The following DOCK10 variants were observed in gnomAD, a reference collection of about 807,000 sequenced individuals.
The protein encoded by DOCK10 is dedicator of cytokinesis 10.
DOCK10 carries 145 observed loss-of-function variants against 280.1 expected under a neutral mutation model. The observed-to-expected ratio is 0.52, with a 90% CI of 0.45 to 0.59. The LOEUF is 0.59. Ranked by LOEUF, DOCK10 falls within the 20% of genes least tolerant of loss-of-function variation. The pLI is 0.00. For missense variants in DOCK10, 2,368 were observed against 2,651.7 expected (o/e 0.89, Z 2.35); for synonymous variants, 915 against 942.2 (o/e 0.97, Z 0.53).
chr2:225,024,718 C>T lies in DOCK10; in HGVS notation c.123+17534G>A, dbSNP rs558564951. Among the ~76,000 whole-genome samples the T allele has an allele frequency of 2.1e-4, 26 of 121,666 alleles. No homozygotes were observed. In the East Asian group the frequency reaches 4.7e-3, roughly 22 times the overall value. 79.8% of individuals were successfully genotyped at this position (121,666 alleles called of 152,430 possible). A position where few individuals can be genotyped will look rare whatever the true frequency, so the allele number is the denominator to read the frequency against. Reference sequence around the variant, plus strand: ...CCAACATGGCAAAACCCCATTTCTACTAAAAATACAAAAAAAAAAAAATTT... The same window carrying T: ...CCAACATGGCAAAACCCCATTTCTATTAAAAATACAAAAAAAAAAAAATTT... On this transcript the variant is annotated intron_variant, in intron 1 of 55. Coordinates refer to ENST00000258390, the MANE Select transcript of DOCK10 (RefSeq NM_014689.3).
intron 5 of DOCK10, 52 bp downstream of exon 5, chr2:224,886,405 CAG>C: frequency 4.5e-6 from 7 of 1,558,202 alleles, no homozygotes; most frequent in Non-Finnish European, 6.2e-6. Flanking sequence ...CAGTGCAAGA[CAG>C]AAACTAATTA....
At chr2:224,873,644 A>G (rs1698439295) in intron 11 of DOCK10, among the ~76,000 whole-genome samples, 2 of 149,614 alleles carry the variant, frequency 1.3e-5, no homozygotes, top group Non-Finnish European at 3.0e-5. Context: ...TACTAAGAGG[A>G]TACACACAAT....
At chr2:224,983,965 G>C (rs1705882610) in intron 1 of DOCK10, among the ~76,000 whole-genome samples, 1 of 152,154 alleles carries the variant, frequency 6.6e-6, no homozygotes, top group Admixed American at 6.5e-5. Context: ...AGCCTGTCTG[G>C]CTTGTGTGTA....
chr2:225,014,974 C>A (rs937857213), intron 1 of DOCK10, among the ~76,000 whole-genome samples: 3 of 152,108 alleles, frequency 2.0e-5, no homozygotes, highest in Admixed American at 2.0e-4. Flanking sequence ...TGGGAGGTCC[C>A]AAATATTTGA....
At chr2:224,944,205 A>G (rs535412311) in intron 1 of DOCK10, among the ~76,000 whole-genome samples, 2 of 152,334 alleles carry the variant, frequency 1.3e-5, no homozygotes, top group African/African-American at 4.8e-5. Context: ...ACATAGAAAG[A>G]TCTGGGACCC....
At chr2:224,793,376 G>A (rs1257343035) in intron 46 of DOCK10, 24 bp downstream of exon 46, 1 of 1,591,766 alleles carries the variant, frequency 6.3e-7, no homozygotes, top group Non-Finnish European at 8.6e-7. Flanking sequence ...TAGGCTTTTT[G>A]CCTCCCTCAT....
intron 1 of DOCK10, among the ~76,000 whole-genome samples, chr2:224,943,225 A>G (rs1251550384): frequency 2.0e-5 from 3 of 152,184 alleles, no homozygotes; most frequent in Non-Finnish European, 4.4e-5. Context: ...CAGTCTCTCA[A>G]TTGTATGTTG....
At chr2:224,976,516 A>T (rs1321906470) in intron 1 of DOCK10, among the ~76,000 whole-genome samples, 1 of 152,114 alleles carries the variant, frequency 6.6e-6, no homozygotes, top group East Asian at 1.9e-4. Flanking sequence ...CTGGGCTTTT[A>T]TTAATATTAA....
intron 52 of DOCK10, among the ~76,000 whole-genome samples, chr2:224,774,232 C>A (rs1473267013): frequency 6.6e-6 from 1 of 152,186 alleles, no homozygotes; most frequent in Non-Finnish European, 1.5e-5. Context: ...TCCCCTGCAG[C>A]CAGCCTTAGG....
intron 1 of DOCK10, among the ~76,000 whole-genome samples, chr2:225,018,360 C>T (rs1689674412): frequency 2.0e-5 from 3 of 151,368 alleles, no homozygotes; most frequent in Non-Finnish European, 4.4e-5. Flanking sequence ...GAGTGATATG[C>T]GTAACGTGCA....
At chr2:224,942,548 C>T (rs1444006877) in intron 1 of DOCK10, among the ~76,000 whole-genome samples, 1 of 152,172 alleles carries the variant, frequency 6.6e-6, no homozygotes, top group Non-Finnish European at 1.5e-5. Flanking sequence ...AAATAAGCAA[C>T]GCCCTATGAA....
At chr2:225,033,388 G>T (rs1426593131) in intron 1 of DOCK10, among the ~76,000 whole-genome samples, 1 of 151,986 alleles carries the variant, frequency 6.6e-6, no homozygotes, top group African/African-American at 2.4e-5. Flanking sequence ...TCGCCATATT[G>T]GTCAGGCTGG....
intron 9 of DOCK10, 91 bp downstream of exon 9, chr2:224,874,575 C>A: frequency 7.6e-7 from 1 of 1,316,408 alleles, no homozygotes; most frequent in South Asian, 1.2e-5. Flanking sequence ...TGGTCTAAAT[C>A]TTAAAAGAAA....
At chr2:224,830,470 G>T in intron 27 of DOCK10, 71 bp downstream of exon 27, 1 of 808,098 alleles carries the variant, frequency 1.2e-6, no homozygotes, top group Non-Finnish European at 1.8e-6. Flanking sequence ...ACTCATGACA[G>T]CATAATCATT....
At chr2:224,853,570 C>G (rs1292094419) in intron 16 of DOCK10, among the ~76,000 whole-genome samples, 1 of 152,194 alleles carries the variant, frequency 6.6e-6, no homozygotes, top group Admixed American at 6.5e-5. Flanking sequence ...ATAGCAATAT[C>G]TCTCTAAATA....
chr2:224,884,008 A>G (rs1699126486), intron 7 of DOCK10, among the ~76,000 whole-genome samples: 1 of 152,236 alleles, frequency 6.6e-6, no homozygotes, highest in African/African-American at 2.4e-5. Flanking sequence ...CTTTACTGCT[A>G]ACGTTTTACT....
At chr2:225,018,161 A>G (rs893696806) in intron 1 of DOCK10, among the ~76,000 whole-genome samples, 2 of 152,178 alleles carry the variant, frequency 1.3e-5, no homozygotes, top group Admixed American at 6.5e-5. Context: ...CAGTACATCA[A>G]GAAACTTTTT....
intron 1 of DOCK10, among the ~76,000 whole-genome samples, chr2:225,013,861 C>CGT (rs144461371): frequency 1.1e-3 from 172 of 149,620 alleles, no homozygotes; most frequent in African/African-American, 3.6e-3. Context: ...CTGGGGTGTG[C>CGT]GTGTGTGTGT....
intron 13 of DOCK10, 49 bp from the exon 14 acceptor site, chr2:224,862,795 C>A (rs1200360486): frequency 8.9e-7 from 1 of 1,128,156 alleles, no homozygotes; most frequent in Non-Finnish European, 1.3e-6. Flanking sequence ...ACTTTATAAA[C>A]TGTACATATA....
Sources: allele counts gnomAD v4.1 joint callset (sites outside exome capture counted in the v4.1 genomes callset), GRCh38; gene constraint gnomAD v4.1.1; transcripts MANE v1.5; gene names NCBI Gene and HGNC (gene_info 2026-07-23, HGNC 2026-07-21).